RNF111: variants seen among roughly 807,000 people sequenced by gnomAD.
The protein encoded by RNF111 is ring finger protein 111, also known as E3 ubiquitin-protein ligase Arkadia.
Under a neutral mutation model 95.1 loss-of-function variants are expected in RNF111, and 17 were observed. The ratio of observed to expected loss-of-function variants is 0.18; its 90% CI spans 0.12 to 0.27. The LOEUF is 0.27. Among genes scored for constraint, RNF111 ranks in the 10% least tolerant of loss-of-function variants. The pLI, the probability that RNF111 is intolerant of heterozygous loss-of-function variation, is 1.00. For synonymous variants in RNF111, 440 were observed against 414.8 expected (o/e 1.06, Z -0.74); for missense variants, 1,189 against 1,210.4 (o/e 0.98, Z 0.26).
At chr15:59,048,469 T>G (rs1274251302) in intron 2 of RNF111, among the ~76,000 whole-genome samples, 3 of 152,208 alleles carry the variant, frequency 2.0e-5, no homozygotes, top group African/African-American at 7.2e-5. Flanking sequence ...GATGACTGAC[T>G]GAAATAGGAC....
At chr15:59,030,734 A>G in intron 1 of RNF111, 70 bp from the exon 2 acceptor site, 1 of 1,082,348 alleles carries the variant, frequency 9.2e-7, no homozygotes, top group South Asian at 2.0e-5. Context: ...GTGGAATTTG[A>G]GAACTCTTCA....
chr15:59,070,256 TG>T (rs2042860145), intron 6 of RNF111, among the ~76,000 whole-genome samples: 1 of 152,004 alleles, frequency 6.6e-6, no homozygotes, highest in African/African-American at 2.4e-5. Context: ...TGCTTACCCT[TG>T]ATTGTCCTTC....
At chr15:59,007,300 G>C (rs1479997103) in intron 1 of RNF111, among the ~76,000 whole-genome samples, 2 of 148,772 alleles carry the variant, frequency 1.3e-5, no homozygotes, top group East Asian at 3.9e-4. Context: ...GGTTAGCTTT[G>C]CCTGTCTGGA....
intron 1 of RNF111, among the ~76,000 whole-genome samples, chr15:59,016,848 T>C (rs2040090283): frequency 1.3e-5 from 2 of 152,144 alleles, no homozygotes; most frequent in Admixed American, 6.6e-5. Flanking sequence ...CTTACATTAC[T>C]GCTTGAGTTC....
chr15:58,988,666 A>C (rs2038677143), intron 1 of RNF111, among the ~76,000 whole-genome samples: 1 of 152,268 alleles, frequency 6.6e-6, no homozygotes, highest in African/African-American at 2.4e-5. Flanking sequence ...TTGTTACAAC[A>C]GTTCTTAAAT....
chr15:58,987,995 C>G lies in RNF111; in HGVS notation c.-93C>G, dbSNP rs1434576380. 6.6e-6 allele frequency: 1 copy of G among 152,074 alleles called. No homozygotes were observed. The highest frequency in any genetic ancestry group is 1.5e-5 in the Non-Finnish European group (1 of 68,114). 9.4% of individuals were successfully genotyped at this position (152,074 alleles called of 1,614,324 possible). ...GCTCTCGACGCATTACTCTTTACGCCTTACATTTCTGTCTTCCTTCCTGGG... is the reference window on the plus strand; with the variant it reads ...GCTCTCGACGCATTACTCTTTACGCGTTACATTTCTGTCTTCCTTCCTGGG... On this transcript the variant is annotated 5_prime_UTR_variant, in exon 1 of 14. Coordinates refer to ENST00000348370, the MANE Select transcript of RNF111 (RefSeq NM_017610.8).
chr15:59,057,924 G>A (rs1393346999), intron 4 of RNF111, among the ~76,000 whole-genome samples: 1 of 152,220 alleles, frequency 6.6e-6, no homozygotes. Flanking sequence ...GGTGAAATCA[G>A]TATTGCTATC....
chr15:59,068,730 G>A (rs371817594), intron 6 of RNF111, among the ~76,000 whole-genome samples: 9 of 152,042 alleles, frequency 5.9e-5, no homozygotes, highest in Middle Eastern at 3.4e-3. Context: ...TAAAGTACTT[G>A]CCTCATCTTT....
intron 5 of RNF111, among the ~76,000 whole-genome samples, chr15:59,065,942 A>G (rs1356197366): frequency 6.6e-6 from 1 of 151,946 alleles, no homozygotes; most frequent in Admixed American, 6.6e-5. Context: ...GCAAATATAT[A>G]CAATGTATAT....
At chr15:58,997,116 A>G (rs2039109904) in intron 1 of RNF111, among the ~76,000 whole-genome samples, 1 of 152,206 alleles carries the variant, frequency 6.6e-6, no homozygotes. Context: ...AGTAATATAT[A>G]CAAAGTGTAC....
At chr15:58,989,527 A>C (rs569483257) in intron 1 of RNF111, among the ~76,000 whole-genome samples, 10 of 152,182 alleles carry the variant, frequency 6.6e-5, no homozygotes, top group Non-Finnish European at 7.3e-5. Context: ...TCATGTGCAG[A>C]TCCTTCTGTC....
At chr15:59,006,157 A>G (rs548085813) in intron 1 of RNF111, among the ~76,000 whole-genome samples, 1 of 152,326 alleles carries the variant, frequency 6.6e-6, no homozygotes, top group African/African-American at 2.4e-5. Context: ...TTTTCTGTGT[A>G]TTCCAGATTT....
chr15:59,030,270 G>C (rs1304077852), intron 1 of RNF111, among the ~76,000 whole-genome samples: 2 of 151,886 alleles, frequency 1.3e-5, no homozygotes, highest in Non-Finnish European at 2.9e-5. Context: ...TAATAGAGTA[G>C]TATGAAGGAA....
At chr15:59,016,555 T>G (rs2040076752) in intron 1 of RNF111, among the ~76,000 whole-genome samples, 1 of 152,214 alleles carries the variant, frequency 6.6e-6, no homozygotes, top group Admixed American at 6.5e-5. Flanking sequence ...ATTTGAATAA[T>G]TGAGCATATA....
intron 6 of RNF111, among the ~76,000 whole-genome samples, chr15:59,068,674 C>T (rs2042775069): frequency 1.3e-5 from 2 of 152,046 alleles, no homozygotes; most frequent in South Asian, 4.2e-4. Flanking sequence ...CATTAAGCCA[C>T]CGTGCCCGGC....
chr15:59,043,320 G>A (rs1452111727), intron 2 of RNF111, among the ~76,000 whole-genome samples: 1 of 151,942 alleles, frequency 6.6e-6, no homozygotes, highest in Non-Finnish European at 1.5e-5. Context: ...TCAGCCAGCT[G>A]ATTTTTTTAT....
chr15:59,032,007 C>T (rs935489947), intron 2 of RNF111, among the ~76,000 whole-genome samples: 2 of 151,974 alleles, frequency 1.3e-5, no homozygotes, highest in East Asian at 1.9e-4. Flanking sequence ...GGCGCAATCT[C>T]GGCTCACTGC....
At chr15:59,050,035 C>T (rs1302034377) in intron 2 of RNF111, among the ~76,000 whole-genome samples, 22 of 150,818 alleles carry the variant, frequency 1.5e-4, no homozygotes, top group South Asian at 4.2e-4. Flanking sequence ...CCACCACGCC[C>T]GGCCCACAGT....
Position 59,030,820 on chromosome 15 carries a change from C to G in RNF111, c.-3C>G. On this transcript the variant is annotated 5_prime_UTR_variant, in exon 2 of 14. Transcript: ENST00000348370. ...GTCTTCTAGGCTTTCCTTAAAGTTT[C>G]CCATGTCTCAATGGACTCCTGAATA... 1 of 1,567,414 alleles carries G rather than the reference C, an allele frequency of 6.4e-7. No homozygotes were observed. Among genetic ancestry groups the G allele is most frequent in the Non-Finnish European group, 8.6e-7 (1 of 1,156,244 alleles).
Sources: gnomAD v4.1 joint callset for allele counts (sites outside exome capture counted in the v4.1 genomes callset) on GRCh38, gnomAD v4.1.1 for gene constraint, MANE v1.5 for transcripts, NCBI Gene and HGNC (gene_info 2026-07-23, HGNC 2026-07-21) for gene names.